Variants in SRRM3 observed in about 807,000 individuals in gnomAD.
SRRM3 encodes the protein serine/arginine repetitive matrix 3.
A neutral mutation model predicts 66.2 loss-of-function variants in SRRM3; 27 were observed. The observed-to-expected ratio is 0.41, with a 90% confidence interval of 0.30 to 0.56. SRRM3 has a LOEUF of 0.56. Ranked by LOEUF, SRRM3 falls within the 20% of genes least tolerant of loss-of-function variation. SRRM3 has a pLI of 0.32. For missense variants in SRRM3, 918 were observed against 991.9 expected, an observed-to-expected ratio of 0.93 and a Z score of 1.00; for synonymous variants, 391 against 414.9, an observed-to-expected ratio of 0.94 and a Z score of 0.70.
At chr7:76,232,579 A>T (rs1400029600) in intron 1 of SRRM3, among the ~76,000 whole-genome samples, 1 of 151,894 alleles carries the variant, frequency 6.6e-6, no homozygotes, top group Non-Finnish European at 1.5e-5. Context: ...CTCCAAAAAA[A>T]AAAAGAGCTC....
intron 3 of SRRM3, among the ~76,000 whole-genome samples, chr7:76,255,249 A>G (rs1293341115): frequency 2.8e-5 from 4 of 144,280 alleles, no homozygotes; most frequent in Non-Finnish European, 6.0e-5. Context: ...TCCTGGGTTC[A>G]AGCGATTCTC....
chr7:76,282,617 A>T, intron 12 of SRRM3, 31 bp from the exon 13 acceptor site: 3 of 899,180 alleles, frequency 3.3e-6, no homozygotes, highest in Non-Finnish European at 2.8e-6. Context: ...CGGGTCGCTG[A>T]GCCCTATCCC....
intron 1 of SRRM3, among the ~76,000 whole-genome samples, chr7:76,228,599 C>T (rs1800937957): frequency 6.6e-6 from 1 of 152,096 alleles, no homozygotes; most frequent in Non-Finnish European, 1.5e-5. Flanking sequence ...TGGTGTGCAC[C>T]TGTAATCCCA....
chr7:76,262,903 A>T (rs1554608974), intron 8 of SRRM3, among the ~76,000 whole-genome samples: 1 of 152,162 alleles, frequency 6.6e-6, no homozygotes, highest in African/African-American at 2.4e-5. Flanking sequence ...CTCGGAAGGA[A>T]GTTGTGGGGC....
At chr7:76,236,309 C>CA (rs34308296) in intron 2 of SRRM3, among the ~76,000 whole-genome samples, 34,636 of 113,008 alleles carry the variant, frequency 0.31, 4,632 homozygotes, top group East Asian at 0.46. Flanking sequence ...AACTCCGTCT[C>CA]AAAAAAAAAA....
At chr7:76,260,271 C>A in intron 5 of SRRM3, 74 bp downstream of exon 5, 1 of 1,165,548 alleles carries the variant, frequency 8.6e-7, no homozygotes. Flanking sequence ...GTCCCTGGCT[C>A]ACAACCATGC....
At chr7:76,234,486 C>T (rs1801091891) in intron 1 of SRRM3, among the ~76,000 whole-genome samples, 1 of 152,130 alleles carries the variant, frequency 6.6e-6, no homozygotes, top group Non-Finnish European at 1.5e-5. Context: ...CTAAAATCTG[C>T]CTCTGGGGTG....
intron 1 of SRRM3, among the ~76,000 whole-genome samples, chr7:76,220,612 G>A (rs563617854): frequency 1.3e-5 from 2 of 152,302 alleles, no homozygotes; most frequent in South Asian, 2.1e-4. Flanking sequence ...TGAGACGGCA[G>A]GGAAAGGGTC....
intron 1 of SRRM3, among the ~76,000 whole-genome samples, chr7:76,220,176 A>G (rs1800673419): frequency 6.6e-6 from 1 of 152,308 alleles, no homozygotes; most frequent in East Asian, 1.9e-4. Flanking sequence ...CACTAGGGAT[A>G]CAGATGTGGA....
chr7:76,239,623 A>C (rs886381387), intron 2 of SRRM3, among the ~76,000 whole-genome samples: 2 of 152,086 alleles, frequency 1.3e-5, no homozygotes, highest in African/African-American at 4.8e-5. Context: ...GGATTACTTA[A>C]GCCTGAGAAG....
At chr7:76,206,408 C>T (rs932795636) in intron 1 of SRRM3, among the ~76,000 whole-genome samples, 2 of 152,020 alleles carry the variant, frequency 1.3e-5, no homozygotes, top group Non-Finnish European at 2.9e-5. Context: ...GTGGGATGCC[C>T]AGGAGAACAG....
Position 76,261,158 on chromosome 7 carries a change from C to T in SRRM3, c.576-194C>T, listed in dbSNP as rs1022851477. The stretch of plus-strand genomic sequence containing the variant: ...CCCACAATTGTGGGGACAACATAGG[C>T]AGCGCCATCAACTACCCTGAGGGAC... On this transcript the variant is annotated intron_variant, in intron 6 of 14. Transcript: ENST00000611745. 6.6e-6 allele frequency among the ~76,000 whole-genome samples: 1 copy of T among 152,004 alleles called. No homozygotes were observed. The highest frequency in any genetic ancestry group is 1.9e-4 in the East Asian group (1 of 5,164).
intron 1 of SRRM3, among the ~76,000 whole-genome samples, chr7:76,202,457 C>G (rs1800174539): frequency 6.6e-6 from 1 of 152,122 alleles, no homozygotes; most frequent in Non-Finnish European, 1.5e-5. Flanking sequence ...GTGAAGGGAG[C>G]AGGCCCCCAC....
At chr7:76,203,841 C>A (rs188002842) in intron 1 of SRRM3, among the ~76,000 whole-genome samples, 1 of 151,776 alleles carries the variant, frequency 6.6e-6, no homozygotes. Flanking sequence ...CAGTTCAATG[C>A]CAGTGTCTTG....
chr7:76,265,377 TC>T lies in SRRM3; in HGVS notation c.743del (p.Pro248GlnfsTer31). 2 of 1,596,510 alleles carry T rather than the reference TC, an allele frequency of 1.3e-6. No individual in the cohort carries two copies. Among genetic ancestry groups the T allele is most frequent in the Non-Finnish European group, 1.7e-6 (2 of 1,172,154 alleles). Reference sequence around the variant, plus strand: ...CATCCACGCCAGGCCTCACACAGAGTCCCCAGGCCGGAGGTCTCATCGCCAT... The same window carrying T: ...CATCCACGCCAGGCCTCACACAGAGTCCCAGGCCGGAGGTCTCATCGCCAT... ...NKEKKRPHTESPGRRSHRHSS... is the reference protein window; with the variant it reads ...NKEKKRPHTEXPGRRSHRHSS... On this transcript the variant is annotated frameshift_variant, in exon 10 of 15. Coordinates refer to ENST00000611745, the MANE Select transcript of SRRM3 (RefSeq NM_001110199.3). LOFTEE classifies it high-confidence loss of function.
chr7:76,279,788 GT>G (rs1454920553), intron 11 of SRRM3, among the ~76,000 whole-genome samples: 4 of 152,082 alleles, frequency 2.6e-5, no homozygotes, highest in African/African-American at 9.7e-5. Flanking sequence ...GCCCTTCCTG[GT>G]TTTCTGTGTC....
intron 3 of SRRM3, 80 bp downstream of exon 3, chr7:76,248,369 G>T: frequency 9.2e-7 from 1 of 1,082,204 alleles, no homozygotes; most frequent in Non-Finnish European, 1.4e-6. Context: ...GGCCTGTCCA[G>T]GTGGCTTGGT....
chr7:76,278,411 C>T lies in SRRM3; in HGVS notation c.1009-3030C>T, dbSNP rs1022399246. Among the ~76,000 whole-genome samples the T allele has an allele frequency of 6.5e-4, 99 of 152,068 alleles. 1 individual carries two copies. The highest frequency in any genetic ancestry group is 2.3e-3 in the African/African-American group (96 of 41,400). On this transcript the variant is annotated intron_variant, in intron 11 of 14. Coordinates refer to ENST00000611745, the MANE Select transcript of SRRM3 (RefSeq NM_001110199.3). Reference sequence around the variant, plus strand: ...CTGAAGCAGGAGAATCGCTTGAACCCGGGAAGCAGAGGTTGCAGTGAGCTG... The same window carrying T: ...CTGAAGCAGGAGAATCGCTTGAACCTGGGAAGCAGAGGTTGCAGTGAGCTG...
chr7:76,234,780 G>C (rs1801099498), intron 1 of SRRM3, among the ~76,000 whole-genome samples: 1 of 152,124 alleles, frequency 6.6e-6, no homozygotes, highest in Admixed American at 6.6e-5. Flanking sequence ...ATGGCTCTTA[G>C]AGGCCATCCA....
Sources: allele counts gnomAD v4.1 joint callset (sites outside exome capture counted in the v4.1 genomes callset), GRCh38; gene constraint gnomAD v4.1.1; transcripts MANE v1.5; gene names NCBI Gene and HGNC (gene_info 2026-07-23, HGNC 2026-07-21).